Variants in MYO1E observed in about 807,000 individuals in gnomAD.
MYO1E encodes unconventional myosin-Ie.
A neutral mutation model predicts 151.1 loss-of-function variants in MYO1E; 68 were observed. That is an observed-to-expected ratio of 0.45 (90% CI 0.37 to 0.55). The LOEUF is 0.55. Among genes scored for constraint, MYO1E ranks in the 20% least tolerant of loss-of-function variants. The probability of loss-of-function intolerance (pLI) is 0.00; values close to 1 mark genes in which losing one functional copy is unlikely to be tolerated. For missense variants in MYO1E, 1,363 were observed against 1,389.3 expected (o/e 0.98, Z 0.30); for synonymous variants, 601 against 501.7 (o/e 1.20, Z -2.64).
intron 1 of MYO1E, among the ~76,000 whole-genome samples, chr15:59,338,537 G>T (rs2080744065): frequency 6.6e-6 from 1 of 152,156 alleles, no homozygotes; most frequent in African/African-American, 2.4e-5. Flanking sequence ...AGCCAACCCT[G>T]CCTGCAAGAT....
chr15:59,234,429 A>G (rs2080049674), intron 5 of MYO1E, among the ~76,000 whole-genome samples: 2 of 152,230 alleles, frequency 1.3e-5, no homozygotes, highest in Admixed American at 6.5e-5. Flanking sequence ...GCCCGCAAAC[A>G]AAAGATAGAA....
chr15:59,137,577 C>T, intron 27 of MYO1E, 121 bp from the exon 28 acceptor site: 2 of 830,750 alleles, frequency 2.4e-6, no homozygotes, highest in Admixed American at 1.9e-5. Flanking sequence ...TCCCTTTGTT[C>T]TTTAAATCAA....
rs191232884 is a variant in MYO1E, at chr15:59,274,748, G to A, written c.4-2299C>T. On this transcript the variant is annotated intron_variant, in intron 1 of 27. Coordinates refer to ENST00000288235, the MANE Select transcript of MYO1E (RefSeq NM_004998.4). ...CCCATTGGTCTTTCTCTGTCTCACT[G>A]CACAGAGACACATTCCTGACTGCCC... 1.3e-3 allele frequency among the ~76,000 whole-genome samples: 205 copies of A among 152,218 alleles called. 1 individual carries two copies. The highest frequency in any genetic ancestry group is 4.9e-3 in the African/African-American group (202 of 41,522).
rs111973651 is a variant in MYO1E at position 59,338,760 on chromosome 15, A to C, written c.3+33738T>G. 1.0e-3 allele frequency among the ~76,000 whole-genome samples: 155 copies of C among 152,360 alleles called. 2 individuals are homozygous for C. The highest frequency in any genetic ancestry group is 3.5e-3 in the African/African-American group (146 of 41,590). ...GGGGCAAACAGTGCAAGAGAACCAA[A>C]GACAGGGGTGAAACTACCTACAAAG... is the stretch of plus-strand genomic sequence containing the variant. On this transcript the variant is annotated intron_variant, in intron 1 of 27. Transcript: ENST00000288235.
chr15:59,207,712 G>T (rs1342544047), intron 14 of MYO1E: 1 of 1,614,074 alleles, frequency 6.2e-7, no homozygotes, highest in African/African-American at 1.3e-5. Flanking sequence ...CATAGCTGGT[G>T]TCCCTTTGAA....
At chr15:59,209,153 C>T (rs2079860504) in intron 13 of MYO1E, among the ~76,000 whole-genome samples, 1 of 152,212 alleles carries the variant, frequency 6.6e-6, no homozygotes, top group African/African-American at 2.4e-5. Flanking sequence ...GCTTAAGAAT[C>T]CAAAAGTAAA....
intron 1 of MYO1E, among the ~76,000 whole-genome samples, chr15:59,353,908 C>T (rs555925359): frequency 6.6e-6 from 1 of 152,240 alleles, no homozygotes; most frequent in Admixed American, 6.5e-5. Context: ...ACTCCCAAAA[C>T]CTAAAGCATG....
At chr15:59,261,156 T>C (rs1162670571) in intron 3 of MYO1E, among the ~76,000 whole-genome samples, 1 of 151,912 alleles carries the variant, frequency 6.6e-6, no homozygotes, top group African/African-American at 2.4e-5. Context: ...GAGGTTGCAG[T>C]GAGCGGAGAT....
intron 5 of MYO1E, among the ~76,000 whole-genome samples, chr15:59,234,895 C>T (rs1262851177): frequency 1.3e-5 from 2 of 151,342 alleles, no homozygotes; most frequent in African/African-American, 4.9e-5. Flanking sequence ...TACAGCTGAC[C>T]ATGGCAATAA....
At chr15:59,357,426 C>CT (rs532794951) in intron 1 of MYO1E, among the ~76,000 whole-genome samples, 3,519 of 137,028 alleles carry the variant, frequency 0.026, 93 homozygotes, top group Middle Eastern at 0.06. Context: ...AAGGAGATAA[C>CT]TTTTTTTTTT....
intron 6 of MYO1E, among the ~76,000 whole-genome samples, chr15:59,231,373 T>G (rs2080027016): frequency 6.6e-6 from 1 of 152,226 alleles, no homozygotes; most frequent in African/African-American, 2.4e-5. Flanking sequence ...CTCTAGTTAT[T>G]TCTTGGTCTG....
At chr15:59,217,831 T>C (rs1013746938) in intron 10 of MYO1E, 60 bp downstream of exon 10, 1 of 1,582,804 alleles carries the variant, frequency 6.3e-7, no homozygotes, top group Non-Finnish European at 8.7e-7. Context: ...CCCAGCCTAC[T>C]AGTTTTACTC....
intron 6 of MYO1E, among the ~76,000 whole-genome samples, chr15:59,228,818 A>G (rs1275186659): frequency 6.6e-6 from 1 of 152,164 alleles, no homozygotes; most frequent in African/African-American, 2.4e-5. Context: ...CAAGAAAAGT[A>G]CTGTGCACAC....
At position 59,161,104 on chromosome 15, in the gene MYO1E, G is replaced by GA; in HGVS notation, c.2753dup (p.Ser919GlnfsTer145). 1 of 1,613,924 alleles carries GA rather than the reference G, an allele frequency of 6.2e-7. No homozygotes were observed. Among genetic ancestry groups the GA allele is most frequent in the Non-Finnish European group, 8.5e-7 (1 of 1,180,038 alleles). ...TCTTGGGCAGTCCAGGTCCGATGCT[G>GA]ACCTGCAGCACTTTGTTACTGGGCT... On this transcript the variant is annotated frameshift_variant, in exon 24 of 28. Transcript: ENST00000288235. LOFTEE classifies it high-confidence loss of function.
Position 59,343,717 on chromosome 15 carries a change from T to C in MYO1E, c.3+28781A>G, listed in dbSNP as rs567146132. 2.6e-5 allele frequency among the ~76,000 whole-genome samples: 4 copies of C among 152,232 alleles called. No homozygotes were observed. The East Asian group carries it at 7.7e-4, about 29-fold the overall frequency. On this transcript the variant is annotated intron_variant, in intron 1 of 27. Transcript: ENST00000288235. Reference sequence around the variant, plus strand: ...TTTTATTCTTTTTTCTTTTGTCTCCTCTGACTGTGTATTTTCAAATAGTCT... The same window carrying C: ...TTTTATTCTTTTTTCTTTTGTCTCCCCTGACTGTGTATTTTCAAATAGTCT...
chr15:59,203,440 C>A (rs571181034), intron 15 of MYO1E, among the ~76,000 whole-genome samples: 10 of 149,376 alleles, frequency 6.7e-5, no homozygotes, highest in African/African-American at 2.5e-4. Context: ...AGTGCAGTGG[C>A]GCGATCTTGG....
At chr15:59,195,362 G>T in intron 17 of MYO1E, 99 bp downstream of exon 17, 1 of 1,045,842 alleles carries the variant, frequency 9.6e-7, no homozygotes, top group Non-Finnish European at 1.5e-6. Context: ...AAAGACATGT[G>T]CGGACAACTG....
intron 4 of MYO1E, among the ~76,000 whole-genome samples, chr15:59,251,917 G>A (rs116704881): frequency 0.01 from 1,576 of 152,262 alleles, 32 homozygotes; most frequent in African/African-American, 0.036. Flanking sequence ...ACAAAAACCA[G>A]AAAAGAAATT....
intron 4 of MYO1E, among the ~76,000 whole-genome samples, chr15:59,245,669 A>G (rs569704621): frequency 1.6e-4 from 24 of 152,308 alleles, no homozygotes; most frequent in African/African-American, 5.8e-4. Context: ...AATTGACATC[A>G]TATTTTTTAA....
Sources: gnomAD v4.1 joint callset for allele counts (sites outside exome capture counted in the v4.1 genomes callset) on GRCh38, gnomAD v4.1.1 for gene constraint, MANE v1.5 for transcripts, NCBI Gene and HGNC (gene_info 2026-07-23, HGNC 2026-07-21) for gene names.